Variants in HEATR1 observed in about 807,000 individuals in gnomAD.
HEATR1 encodes the protein HEAT repeat-containing protein 1.
In HEATR1, 77 loss-of-function variants were observed where a neutral mutation model predicts 248.2. That is an observed-to-expected ratio of 0.31 (90% CI 0.26 to 0.37). The LOEUF (loss-of-function observed/expected upper bound fraction) is 0.37, where lower values mean the gene tolerates loss of function less well. Among genes scored for constraint, HEATR1 ranks in the 10% least tolerant of loss-of-function variants. The pLI is 1.00. For missense variants in HEATR1, 2,420 were observed against 2,504.9 expected (o/e 0.97, Z 0.72); for synonymous variants, 897 against 923.1 (o/e 0.97, Z 0.51).
At chr1:236,564,776 A>G in intron 31 of HEATR1, 115 bp from the exon 32 acceptor site, 2 of 992,246 alleles carry the variant, frequency 2.0e-6, no homozygotes, top group Non-Finnish European at 2.9e-6. Context: ...ATTTTCCCAG[A>G]GAAATGTGTT....
At chr1:236,573,942 T>C (rs965012611) in intron 24 of HEATR1, 1 of 258,076 alleles carries the variant, frequency 3.9e-6, no homozygotes, top group African/African-American at 2.2e-5. Flanking sequence ...CCGTCTAATA[T>C]GAGAAAGATC....
chr1:236,550,992 T>TAAAAAA lies in HEATR1; in HGVS notation c.6347-8_6347-3dup, dbSNP rs55866014. On this transcript the variant is annotated splice_polypyrimidine_tract_variant and splice_region_variant and intron_variant, in intron 44 of 44. Coordinates refer to ENST00000366582, the MANE Select transcript of HEATR1 (RefSeq NM_018072.6). ...GATGTTCTACTTCTTCACATTCATC[T>TAAAAAA]AAAAAAAAAAAAAAAAAATCAAAAT... The TAAAAAA allele has an allele frequency of 1.4e-5, 18 of 1,255,656 alleles. No homozygotes were observed. The highest frequency in any genetic ancestry group is 2.4e-4 in the Middle Eastern group (1 of 4,182). 77.8% of individuals were successfully genotyped at this position (1,255,656 alleles called of 1,614,324 possible). A position where few individuals can be genotyped will look rare whatever the true frequency, so the allele number is the denominator to read the frequency against.
intron 11 of HEATR1, among the ~76,000 whole-genome samples, chr1:236,591,766 T>G (rs1430299549): frequency 6.6e-6 from 1 of 152,170 alleles, no homozygotes; most frequent in Non-Finnish European, 1.5e-5. Flanking sequence ...ATACTTTTCC[T>G]GAAATAAGTA....
rs1305486672 is a variant in HEATR1 at position 236,591,323 on chromosome 1, T to TAGAAA, written c.1423-370_1423-369insTTTCT. ...CAACTCATCTACATGATATAACAAA[T>TAGAAA]AGTGACACTCAAATTCGTGACAACT... On this transcript the variant is annotated intron_variant, in intron 11 of 44. Transcript: ENST00000366582. 3.3e-5 allele frequency among the ~76,000 whole-genome samples: 5 copies of TAGAAA among 152,074 alleles called. No individual in the cohort carries two copies. The East Asian group carries it at 9.6e-4, about 29-fold the overall frequency.
intron 5 of HEATR1, 96 bp downstream of exon 5, chr1:236,597,782 G>T: frequency 2.7e-6 from 2 of 732,456 alleles, no homozygotes; most frequent in Non-Finnish European, 4.5e-6. Context: ...TTTATCCAAA[G>T]TATCATTGTT....
At chr1:236,566,605 G>C in intron 30 of HEATR1, 41 bp downstream of exon 30, 3 of 1,400,498 alleles carry the variant, frequency 2.1e-6, no homozygotes, top group South Asian at 1.2e-5. Context: ...ATCTGTGTGA[G>C]AAATCACCAT....
At chr1:236,563,367 T>C (rs1177178431) in intron 32 of HEATR1, among the ~76,000 whole-genome samples, 5 of 152,182 alleles carry the variant, frequency 3.3e-5, no homozygotes, top group East Asian at 3.9e-4. Context: ...CTGCAAGCTA[T>C]GCCTCCCGGG....
intron 30 of HEATR1, among the ~76,000 whole-genome samples, chr1:236,566,381 G>A (rs948210267): frequency 2.0e-5 from 3 of 152,006 alleles, no homozygotes; most frequent in African/African-American, 7.3e-5. Context: ...GCTTAAAAGA[G>A]AACCACTTGC....
At position 236,574,783 on chromosome 1, in the gene HEATR1, C is replaced by T; in HGVS notation, c.3205G>A (p.Glu1069Lys). ...VLHLTLGKYN[E>K]FSVSLLNEDP... ...TCATTTAAAAGGGAAACTGAAAATT[C>T]ATTATACTTTCCCAGAGTGAGATGC... The change falls in exon 23 of 45, where the codon GAA (glutamate) becomes AAA (lysine). Residue 1069 changes from glutamate (E) to lysine (K), a missense_variant. Physicochemically the swap from Glu to Lys is moderately conservative, Grantham distance 56. Coordinates refer to ENST00000366582, the MANE Select transcript of HEATR1 (RefSeq NM_018072.6). 1 of 1,613,992 alleles carries T rather than the reference C, an allele frequency of 6.2e-7. No homozygotes were observed. Among genetic ancestry groups the T allele is most frequent in the Non-Finnish European group, 8.5e-7 (1 of 1,179,878 alleles).
rs1001988673 is a variant in HEATR1, at chr1:236,550,591, C to T, written c.*311G>A. ...GCAAATGAGGCGTCAGCTTTGGGTG[C>T]TAAAATTAACAAGTCTAATATTATT... On this transcript the variant is annotated 3_prime_UTR_variant, in exon 45 of 45. Transcript: ENST00000366582. 2.6e-5 allele frequency: 7 copies of T among 267,932 alleles called. No homozygotes were observed. Among genetic ancestry groups the T allele is most frequent in the African/African-American group, 1.6e-4 (7 of 45,070 alleles). The allele number at this position is 267,932 out of a possible 1,614,324, so 16.6% of individuals were successfully genotyped here. A position where few individuals can be genotyped will look rare whatever the true frequency, so the allele number is the denominator to read the frequency against.
In HEATR1 at chr1:236,555,840, G is replaced by A. The variant is rs765272941; in HGVS notation, c.5614C>T (p.Leu1872=). 1 of 1,614,118 alleles carries A rather than the reference G, an allele frequency of 6.2e-7. No individual in the cohort carries two copies. Among genetic ancestry groups the A allele is most frequent in the East Asian group, 2.2e-5 (1 of 44,878 alleles). ...SHQSQLTAFF[L]EALDFRAQHS... ...TGGGCTCGGAAGTCCAGGGCTTCCA[G>A]GAAAAAGGCGGTTAGCTGAGACTGA... The change falls in exon 39 of 45, where the codon CTG becomes TTG. Residue 1872 remains leucine (L), a synonymous_variant. Coordinates refer to ENST00000366582, the MANE Select transcript of HEATR1 (RefSeq NM_018072.6).
At chr1:236,573,775 T>C (rs1246797982) in intron 24 of HEATR1, among the ~76,000 whole-genome samples, 2 of 152,128 alleles carry the variant, frequency 1.3e-5, no homozygotes, top group East Asian at 1.9e-4. Flanking sequence ...ATTCTGATAA[T>C]AACAAGGTTT....
In HEATR1 at chr1:236,576,384, T is replaced by C. The variant is rs1208826541; in HGVS notation, c.2926-7A>G. The C allele has an allele frequency of 1.3e-6, 2 of 1,557,668 alleles. No homozygotes were observed. The highest frequency in any genetic ancestry group is 4.6e-5 in the East Asian group (2 of 43,644). ...CAAATAAAGTAGCCAAATCCTAAGA[T>C]ACCAAAAAGAAAATTGGATAAAAAA... On this transcript the variant is annotated splice_region_variant and splice_polypyrimidine_tract_variant and intron_variant, in intron 21 of 44. Transcript: ENST00000366582.
At chr1:236,600,118 ATTTTTTTTTTTTTT>A (rs67344658) in intron 3 of HEATR1, among the ~76,000 whole-genome samples, 4 of 50,286 alleles carry the variant, frequency 8.0e-5, no homozygotes, top group African/African-American at 8.0e-5. Context: ...GTCTGTCAAC[ATTTTTTTTTTTTTT>A]TTTTTTTTTT....
rs202082960 is a variant in HEATR1 at position 236,576,226 on chromosome 1, T to A, written c.3077A>T (p.Asn1026Ile). ...KDLMKVLQGVNGEMVLSQLLP... is the reference protein window; with the variant it reads ...KDLMKVLQGVIGEMVLSQLLP... ...CACTTAAATGGCACATACCTCACCG[T>A]TGACTCCCTGAAGTACTTTCATCAA... The change falls in exon 22 of 45, where the codon AAC becomes ATC. Residue 1026 changes from asparagine (N) to isoleucine (I), a missense_variant. Physicochemically the swap from Asn to Ile is moderately radical, Grantham distance 149. Transcript: ENST00000366582. 1.3e-6 allele frequency: 2 copies of A among 1,598,334 alleles called. No individual in the cohort carries two copies. The highest frequency in any genetic ancestry group is 2.7e-5 in the African/African-American group (2 of 73,888).
At chr1:236,562,956 T>C (rs1481099898) in intron 32 of HEATR1, among the ~76,000 whole-genome samples, 1 of 152,232 alleles carries the variant, frequency 6.6e-6, no homozygotes, top group African/African-American at 2.4e-5. Flanking sequence ...GTGAGACTAA[T>C]TAGTTCAGCC....
chr1:236,564,630 C>G lies in HEATR1; in HGVS notation c.4467G>C (p.Lys1489Asn), dbSNP rs774604488. The stretch of plus-strand genomic sequence containing the variant: ...GTAGCATTTCTTCTTGTGATTCACT[C>G]TTATTAAATGACACTGCTTTGGGAA... The part of the protein sequence containing the change: ...ETIPKAVSFN[K>N]SESQEEMLQV... Residue 1489 changes from lysine (K) to asparagine (N), a missense_variant, in exon 32 of 45, where the codon AAG becomes AAC. Lys to Asn is a moderately conservative substitution (Grantham distance 94). Transcript: ENST00000366582. 3.7e-6 allele frequency: 6 copies of G among 1,613,084 alleles called. No homozygotes were observed. The highest frequency in any genetic ancestry group is 5.1e-6 in the Non-Finnish European group (6 of 1,179,920).
chr1:236,551,327 T>C (rs1245805581), intron 44 of HEATR1: 1 of 272,120 alleles, frequency 3.7e-6, no homozygotes, highest in Non-Finnish European at 7.0e-6. Context: ...AGATAAGCAA[T>C]GAATCAGTAA....
chr1:236,592,498 G>T, intron 10 of HEATR1, 25 bp downstream of exon 10: 1 of 902,922 alleles, frequency 1.1e-6, no homozygotes, highest in Non-Finnish European at 1.8e-6. Flanking sequence ...CTTTAGAAGA[G>T]CATAAACATA....
Sources: allele counts gnomAD v4.1 joint callset (sites outside exome capture counted in the v4.1 genomes callset), GRCh38; gene constraint gnomAD v4.1.1; transcripts MANE v1.5; gene names NCBI Gene and HGNC (gene_info 2026-07-23, HGNC 2026-07-21).